ITGAV: variants seen among roughly 807,000 people sequenced by gnomAD.
ITGAV encodes the protein integrin subunit alpha V, also known as integrin alpha-V.
In ITGAV, 76 loss-of-function variants were observed where a neutral mutation model predicts 143.8. The observed-to-expected ratio is 0.53, with a 90% confidence interval of 0.44 to 0.64. ITGAV has a LOEUF of 0.64. ITGAV is among the 30% of genes least tolerant of loss of function. The probability of loss-of-function intolerance (pLI) is 0.00; values close to 1 mark genes in which losing one functional copy is unlikely to be tolerated. For missense variants in ITGAV, 1,193 were observed against 1,274.7 expected, an observed-to-expected ratio of 0.94 and a Z score of 0.98; for synonymous variants, 453 against 446.7, an observed-to-expected ratio of 1.01 and a Z score of -0.18.
At chr2:186,667,436 A>G (rs1051111372) in intron 23 of ITGAV, among the ~76,000 whole-genome samples, 1 of 152,228 alleles carries the variant, frequency 6.6e-6, no homozygotes, top group East Asian at 1.9e-4. Flanking sequence ...CATGGCAACA[A>G]CATGCACAAA....
chr2:186,640,964 A>T lies in ITGAV; in HGVS notation c.953A>T (p.Asp318Val). Residue 318 changes from aspartate (D) to valine (V), a missense_variant, in exon 11 of 30, where the codon GAT becomes GTT. By Grantham distance (152) the Asp-to-Val change is radical (BLOSUM62 -3). Transcript: ENST00000261023. ...FSVAATDING[D>V]DYADVFIGAP... ...GTAGCTGCCACTGACATTAATGGAG[A>T]TGAGTAAGTTTAAAAAAAAATGTTT... is the stretch of plus-strand genomic sequence containing the variant. 1 of 1,593,118 alleles carries T rather than the reference A, an allele frequency of 6.3e-7. No individual in the cohort carries two copies. The highest frequency in any genetic ancestry group is 8.6e-7 in the Non-Finnish European group (1 of 1,166,286).
At chr2:186,618,803 T>C (rs1249360170) in intron 2 of ITGAV, among the ~76,000 whole-genome samples, 1 of 152,070 alleles carries the variant, frequency 6.6e-6, no homozygotes, top group Non-Finnish European at 1.5e-5. Context: ...TTGACAAAAG[T>C]GGGAATGTAA....
At chr2:186,636,017 A>G in intron 6 of ITGAV, 65 bp from the exon 7 acceptor site, 1 of 1,389,960 alleles carries the variant, frequency 7.2e-7, no homozygotes, top group Non-Finnish European at 1.0e-6. Context: ...CAGGTACCAT[A>G]CATTATCTGT....
intron 6 of ITGAV, among the ~76,000 whole-genome samples, chr2:186,635,043 G>C (rs1457099109): frequency 1.3e-5 from 2 of 151,692 alleles, no homozygotes; most frequent in African/African-American, 4.8e-5. Context: ...TAATAAATAG[G>C]AATGTGTAAT....
At chr2:186,668,351 G>C (rs1400943971) in intron 24 of ITGAV, among the ~76,000 whole-genome samples, 2 of 146,496 alleles carry the variant, frequency 1.4e-5, no homozygotes, top group African/African-American at 5.0e-5. Context: ...TCAGCTTGCT[G>C]AGTAGCTGGG....
chr2:186,608,532 A>T (rs1000640671), intron 2 of ITGAV, among the ~76,000 whole-genome samples: 11 of 152,106 alleles, frequency 7.2e-5, no homozygotes, highest in Admixed American at 6.6e-5. Flanking sequence ...TTCCTCTCCC[A>T]TTCACCTTTT....
chr2:186,610,071 CT>C (rs1311680449), intron 2 of ITGAV, among the ~76,000 whole-genome samples: 1 of 152,036 alleles, frequency 6.6e-6, no homozygotes, highest in Non-Finnish European at 1.5e-5. Context: ...TGAACTAATA[CT>C]TTCAGTACCC....
chr2:186,609,464 A>G (rs1220579138), intron 2 of ITGAV, among the ~76,000 whole-genome samples: 1 of 152,286 alleles, frequency 6.6e-6, no homozygotes, highest in East Asian at 1.9e-4. Flanking sequence ...ATCCTGTAAC[A>G]TGATTTTGGT....
In ITGAV at chr2:186,622,316, C is replaced by A. The variant is rs1382300436; in HGVS notation, c.317-23C>A. The A allele has an allele frequency of 1.1e-5, 16 of 1,484,294 alleles. No homozygotes were observed. In the East Asian group the frequency reaches 3.2e-4, roughly 29 times the overall value. The allele number at this position is 1,484,294 out of a possible 1,614,324, so 91.9% of individuals were successfully genotyped here. A position where few individuals can be genotyped will look rare whatever the true frequency, so the allele number is the denominator to read the frequency against. ...TAAGAATAGTATATTTTGTGTCTTA[C>A]CACTCACAATATTCTTTTTTAGGCA... is the stretch of plus-strand genomic sequence containing the variant. On this transcript the variant is annotated intron_variant, in intron 2 of 29. Transcript: ENST00000261023.
rs200917427 is a variant in ITGAV, at chr2:186,646,786, C to T, written c.1260C>T (p.Ile420=). 2 of 1,613,352 alleles carry T rather than the reference C, an allele frequency of 1.2e-6. No individual in the cohort carries two copies. The highest frequency in any genetic ancestry group is 1.7e-6 in the Non-Finnish European group (2 of 1,179,512). The change falls in exon 13 of 30, where the codon ATC becomes ATT. Residue 420 remains isoleucine (I), a synonymous_variant. Coordinates refer to ENST00000261023, the MANE Select transcript of ITGAV (RefSeq NM_002210.5). ...STGLNAVPSQ[I]LEGQWAARSM... Reference sequence around the variant, plus strand: ...GCTTGAACGCAGTCCCATCTCAAATCCTTGAAGGGCAGTGGGCTGCTCGAA... The same window carrying T: ...GCTTGAACGCAGTCCCATCTCAAATTCTTGAAGGGCAGTGGGCTGCTCGAA...
chr2:186,652,337 G>A (rs1164406572), intron 15 of ITGAV, among the ~76,000 whole-genome samples: 1 of 152,102 alleles, frequency 6.6e-6, no homozygotes, highest in Non-Finnish European at 1.5e-5. Flanking sequence ...CTACAGGTGT[G>A]TGGCACCATA....
chr2:186,633,421 A>G, intron 6 of ITGAV, 47 bp downstream of exon 6: 1 of 1,107,206 alleles, frequency 9.0e-7, no homozygotes. Context: ...TGTGTCGCTG[A>G]TTCACCTGGC....
At chr2:186,669,400 T>G (rs2105748181) in intron 25 of ITGAV, among the ~76,000 whole-genome samples, 1 of 152,244 alleles carries the variant, frequency 6.6e-6, no homozygotes, top group East Asian at 1.9e-4. Context: ...ATACCCATGA[T>G]TGACATCACA....
intron 2 of ITGAV, among the ~76,000 whole-genome samples, chr2:186,609,950 C>T (rs1300860596): frequency 2.6e-5 from 4 of 151,982 alleles, no homozygotes; most frequent in South Asian, 2.1e-4. Flanking sequence ...ATAAATTTAC[C>T]ATTAAATCTT....
intron 17 of ITGAV, among the ~76,000 whole-genome samples, chr2:186,657,307 T>C (rs1283868737): frequency 6.6e-6 from 1 of 152,148 alleles, no homozygotes; most frequent in South Asian, 2.1e-4. Context: ...AACAGACTTA[T>C]ATAGAACCTA....
rs1350027644 is a variant in ITGAV at position 186,676,803 on chromosome 2, TCCTCGATAGG to T, written c.2929-9_2929del. 1 of 1,609,996 alleles carries T rather than the reference TCCTCGATAGG, an allele frequency of 6.2e-7. No individual in the cohort carries two copies. Among genetic ancestry groups the T allele is most frequent in the Non-Finnish European group, 8.5e-7 (1 of 1,178,974 alleles). On this transcript the variant is annotated splice_acceptor_variant and splice_polypyrimidine_tract_variant and coding_sequence_variant and intron_variant, in exon 29 of 30. Transcript: ENST00000261023. LOFTEE classifies it high-confidence loss of function. ...CTGTTTTTAAAACTAAAAGCTTTTT[TCCTCGATAGG>T]TTACCACTAATGTCACCTGGGGCAT...
chr2:186,597,946 A>G (rs1366727664), intron 1 of ITGAV, among the ~76,000 whole-genome samples: 2 of 152,198 alleles, frequency 1.3e-5, no homozygotes, highest in African/African-American at 4.8e-5. Context: ...GTGAGCTACT[A>G]TTTGAAGACA....
chr2:186,647,192 T>A (rs998773962), intron 13 of ITGAV, among the ~76,000 whole-genome samples: 1 of 152,122 alleles, frequency 6.6e-6, no homozygotes, highest in Admixed American at 6.5e-5. Flanking sequence ...CTATCTTTTT[T>A]ATTTTTTTAA....
At chr2:186,630,912 T>C (rs1687799507) in intron 5 of ITGAV, 54 bp downstream of exon 5, 1 of 969,188 alleles carries the variant, frequency 1.0e-6, no homozygotes, top group Non-Finnish European at 1.6e-6. Context: ...TTGACTAGAC[T>C]GTGGTTAAAA....
Sources: gnomAD v4.1 joint callset for allele counts (sites outside exome capture counted in the v4.1 genomes callset) on GRCh38, gnomAD v4.1.1 for gene constraint, MANE v1.5 for transcripts, NCBI Gene and HGNC (gene_info 2026-07-23, HGNC 2026-07-21) for gene names.